PDE4D: variants seen among roughly 807,000 people sequenced by gnomAD.
PDE4D encodes the protein phosphodiesterase 4D.
PDE4D carries 24 observed loss-of-function variants against 87.4 expected under a neutral mutation model. The observed-to-expected ratio is 0.27, with a 90% CI of 0.20 to 0.39. The LOEUF is 0.39. Among genes scored for constraint, PDE4D ranks in the 10% least tolerant of loss-of-function variants. PDE4D has a pLI of 1.00. For synonymous variants in PDE4D, 384 were observed against 383.2 expected (o/e 1.00, Z -0.02); for missense variants, 714 against 1,041.0 (o/e 0.69, Z 4.32).
intron 1 of PDE4D, among the ~76,000 whole-genome samples, chr5:60,196,710 G>T (rs1453293170): frequency 3.3e-5 from 5 of 151,600 alleles, no homozygotes; most frequent in Non-Finnish European, 7.4e-5. Flanking sequence ...ATGATAGCAA[G>T]ATGATCCCCA....
At chr5:59,533,260 T>A (rs1429967026) in intron 1 of PDE4D, among the ~76,000 whole-genome samples, 2 of 152,228 alleles carry the variant, frequency 1.3e-5, no homozygotes, top group Non-Finnish European at 2.9e-5. Flanking sequence ...GCCTCTCCAA[T>A]TTTATTGAAA....
At chr5:60,213,406 A>G (rs1207405949) in intron 1 of PDE4D, among the ~76,000 whole-genome samples, 1 of 152,158 alleles carries the variant, frequency 6.6e-6, no homozygotes, top group Non-Finnish European at 1.5e-5. Context: ...TCCTGTTCCC[A>G]GGATTTCCAT....
At chr5:59,213,880 C>T (rs1420729678) in intron 2 of PDE4D, among the ~76,000 whole-genome samples, 3 of 152,032 alleles carry the variant, frequency 2.0e-5, no homozygotes, top group Non-Finnish European at 4.4e-5. Flanking sequence ...ACCAATTCAT[C>T]ACCTGTTATC....
At chr5:60,297,792 G>T (rs1222628547) in intron 1 of PDE4D, among the ~76,000 whole-genome samples, 1 of 152,136 alleles carries the variant, frequency 6.6e-6, no homozygotes, top group Non-Finnish European at 1.5e-5. Context: ...GTGCCAATAA[G>T]ATTTCATTGT....
At chr5:59,930,851 G>A (rs948035564) in intron 3 of PDE4D, among the ~76,000 whole-genome samples, 2 of 152,132 alleles carry the variant, frequency 1.3e-5, no homozygotes, top group African/African-American at 4.8e-5. Flanking sequence ...TGCCAGAAAT[G>A]ATTGTTTCAA....
intron 1 of PDE4D, among the ~76,000 whole-genome samples, chr5:59,335,412 G>T (rs1440722391): frequency 6.6e-6 from 1 of 152,192 alleles, no homozygotes; most frequent in Non-Finnish European, 1.5e-5. Flanking sequence ...GCAAAGAACT[G>T]CATCTATTTC....
chr5:60,319,680 T>C (rs1349817621), intron 1 of PDE4D, among the ~76,000 whole-genome samples: 1 of 152,254 alleles, frequency 6.6e-6, no homozygotes, highest in Non-Finnish European at 1.5e-5. Context: ...GTCCTTTCTG[T>C]TTGTTAGTTT....
In PDE4D at chr5:60,118,561, TTGTGTGTGTGTG is replaced by T. The variant is rs34503506; in HGVS notation, c.42+66984_42+66995del. On this transcript the variant is annotated intron_variant, in intron 2 of 16. Transcript: ENST00000502484. ...TCCTGTTTTTCAGGATGGATGTAGGTTGTGTGTGTGTGTGTGTGTGTGTGTGTGTGTGTGTTT... is the reference window on the plus strand; with the variant it reads ...TCCTGTTTTTCAGGATGGATGTAGGTTGTGTGTGTGTGTGTGTGTGTGTTT... Among the ~76,000 whole-genome samples, 558 of 144,300 alleles carry T rather than the reference TTGTGTGTGTGTG, an allele frequency of 3.9e-3. 2 individuals carry two copies. Among genetic ancestry groups the T allele is most frequent in the African/African-American group, 0.014 (538 of 39,140 alleles). 94.7% of individuals were successfully genotyped at this position (144,300 alleles called of 152,430 possible). A position where few individuals can be genotyped will look rare whatever the true frequency, so the allele number is the denominator to read the frequency against.
chr5:60,352,895 G>A (rs1345894838), intron 1 of PDE4D, among the ~76,000 whole-genome samples: 1 of 152,170 alleles, frequency 6.6e-6, no homozygotes, highest in Non-Finnish European at 1.5e-5. Context: ...AAATGTCCAT[G>A]AAATAACATA....
At chr5:59,047,748 C>T (rs936455801) in intron 5 of PDE4D, among the ~76,000 whole-genome samples, 9 of 152,176 alleles carry the variant, frequency 5.9e-5, no homozygotes, top group African/African-American at 2.2e-4. Flanking sequence ...ATCTAATCCC[C>T]GGTGTCACGG....
chr5:60,015,512 A>G (rs984949021), intron 2 of PDE4D, among the ~76,000 whole-genome samples: 2 of 152,178 alleles, frequency 1.3e-5, no homozygotes, highest in Non-Finnish European at 2.9e-5. Flanking sequence ...AAGAAGCCCA[A>G]GCTTCTTTGG....
intron 2 of PDE4D, among the ~76,000 whole-genome samples, chr5:60,043,523 A>G (rs1768776007): frequency 6.6e-6 from 1 of 152,226 alleles, no homozygotes; most frequent in South Asian, 2.1e-4. Flanking sequence ...AATGGAGGAA[A>G]AAATGTTAAG....
intron 2 of PDE4D, among the ~76,000 whole-genome samples, chr5:60,017,440 C>T (rs972457502): frequency 1.3e-5 from 2 of 152,078 alleles, no homozygotes; most frequent in Non-Finnish European, 2.9e-5. Context: ...TCCTGATGCT[C>T]TCCCTCCCCT....
chr5:59,588,142 G>A (rs565125270), intron 1 of PDE4D, among the ~76,000 whole-genome samples: 374 of 152,202 alleles, frequency 2.5e-3, no homozygotes, highest in Middle Eastern at 0.014. Context: ...TTGCAATTGC[G>A]CATGCCATAA....
At chr5:59,760,840 A>G (rs1379304014) in intron 1 of PDE4D, among the ~76,000 whole-genome samples, 2 of 152,190 alleles carry the variant, frequency 1.3e-5, no homozygotes, top group Non-Finnish European at 2.9e-5. Context: ...TTATAGTAAA[A>G]TGACTCAATG....
chr5:60,468,656 G>C (rs1393923548), intron 1 of PDE4D, among the ~76,000 whole-genome samples: 1 of 151,542 alleles, frequency 6.6e-6, no homozygotes, highest in Non-Finnish European at 1.5e-5. Context: ...TTAAGTAGCT[G>C]GAAGTATAAA....
intron 1 of PDE4D, among the ~76,000 whole-genome samples, chr5:59,372,445 A>G (rs1350327638): frequency 6.6e-6 from 1 of 152,252 alleles, no homozygotes; most frequent in East Asian, 1.9e-4. Context: ...GAAGAAAAAA[A>G]TTGTATAAAT....
intron 2 of PDE4D, chr5:60,022,681 CAT>C (rs1766198070): frequency 6.6e-6 from 1 of 152,364 alleles, no homozygotes; most frequent in African/African-American, 2.4e-5. Flanking sequence ...CTATTACAAA[CAT>C]ATTCCTTTGC....
At chr5:59,356,808 T>C in intron 1 of PDE4D, 2 of 1,563,784 alleles carry the variant, frequency 1.3e-6, no homozygotes, top group South Asian at 1.2e-5. Flanking sequence ...TAGATGGTCC[T>C]GGCACCGTGG....
Sources: allele counts gnomAD v4.1 joint callset (sites outside exome capture counted in the v4.1 genomes callset), GRCh38; gene constraint gnomAD v4.1.1; transcripts MANE v1.5; gene names NCBI Gene and HGNC (gene_info 2026-07-23, HGNC 2026-07-21).